Variants in SHBG observed in about 807,000 individuals in gnomAD.
SHBG encodes sex hormone binding globulin, also known as sex hormone-binding globulin.
SHBG carries 37 observed loss-of-function variants against 41.9 expected under a neutral mutation model. The observed-to-expected ratio is 0.88, with a 90% CI of 0.68 to 1.16. The LOEUF is 1.16. Among genes scored for constraint, SHBG ranks in the 50% most tolerant of loss-of-function variants. The pLI, the probability that SHBG is intolerant of heterozygous loss-of-function variation, is 0.00. For missense variants in SHBG, 466 were observed against 499.9 expected (o/e 0.93, Z 0.65); for synonymous variants, 217 against 205.8 (o/e 1.05, Z -0.47).
rs1486249086 is a variant in SHBG, at chr17:7,633,332, G to A, written c.1189G>A (p.Gly397Ser). The change falls in exon 8 of 8, where the codon GGC (glycine) becomes AGC (serine). Residue 397 changes from glycine to serine, a missense_variant. Transcript: ENST00000380450. ...THSCPQSPGN[G>S]TDASH ...CAGCTGCCCCCAGAGCCCAGGCAAT[G>A]GCACTGACGCTTCCCATTAAAGCTC... The A allele has an allele frequency of 6.2e-7, 1 of 1,614,130 alleles. No individual in the cohort carries two copies. The highest frequency in any genetic ancestry group is 1.7e-5 in the Admixed American group (1 of 60,012).
At chr17:7,625,257 G>A (rs1597903852), upstream of SHBG, among the ~76,000 whole-genome samples, 1 of 151,618 alleles carries the variant, frequency 6.6e-6, no homozygotes, top group East Asian at 1.9e-4. Flanking sequence ...CCAGGCATGA[G>A]CTTTTGTAGG....
At chr17:7,620,329 T>C (rs1191189136) in intron 1 of SHBG, among the ~76,000 whole-genome samples, 1 of 152,008 alleles carries the variant, frequency 6.6e-6, no homozygotes, top group Non-Finnish European at 1.5e-5. Context: ...TGTTTGTTTG[T>C]TTTTTGAGAC....
chr17:7,632,898 G>C lies in SHBG; in HGVS notation c.999G>C (p.Leu333=). 6.2e-7 allele frequency: 1 copy of C among 1,614,150 alleles called. No individual in the cohort carries two copies. The highest frequency in any genetic ancestry group is 8.5e-7 in the Non-Finnish European group (1 of 1,180,024). ...MKALALPPLG[L]APLLNLWAKP... ...CCCTTGCCCTGCCTCCCTTAGGCCT[G>C]GCTCCCCTCCTTAACCTCTGGGCCA... The change falls in exon 7 of 8, where the codon CTG becomes CTC. Residue 333 remains leucine (L), a synonymous_variant. Coordinates refer to ENST00000380450, the MANE Select transcript of SHBG (RefSeq NM_001040.5).
Position 7,618,665 on chromosome 17 carries a change from C to A in SHBG, c.-62+4554C>A, listed in dbSNP as rs374225664. ...CATTTTCAGGCTTTTAAGTTCCCAA[C>A]AAATTTACCTCCCGGTACTCTTTCT... On this transcript the variant is annotated intron_variant, in intron 1 of 5. Coordinates refer to the SHBG transcript ENST00000570547. Among the ~76,000 whole-genome samples the A allele has an allele frequency of 1.1e-3, 162 of 152,070 alleles. 1 individual carries two copies. The highest frequency in any genetic ancestry group is 3.7e-3 in the African/African-American group (152 of 41,478).
At chr17:7,621,601 TAAAAAAAAAAAAAA>T (rs747951932) in intron 1 of SHBG, among the ~76,000 whole-genome samples, 4 of 46,946 alleles carry the variant, frequency 8.5e-5, no homozygotes, top group Non-Finnish European at 1.5e-4. Flanking sequence ...AGTCTCCGTC[TAAAAAAAAAAAAAA>T]AAAAAAAAAC....
intron 1 of SHBG, chr17:7,614,412 G>A (rs907792958): frequency 4.9e-6 from 7 of 1,421,038 alleles, no homozygotes; most frequent in African/African-American, 4.3e-5. Context: ...CCAGGGGAGG[G>A]GGCTAAGGAC....
At position 7,622,060 on chromosome 17, in the gene SHBG, G is replaced by C. The variant is rs756497088; in HGVS notation, c.-62+7949G>C. On this transcript the variant is annotated intron_variant, in intron 1 of 5. Transcript: ENST00000570547. The stretch of plus-strand genomic sequence containing the variant: ...GGGTTTCACCATGTTGGTCAGGCTG[G>C]TCTCAAACTCCTGACCTCAAATGAT... 7.1e-4 allele frequency among the ~76,000 whole-genome samples: 108 copies of C among 151,410 alleles called. 1 individual carries two copies. Among genetic ancestry groups the C allele is most frequent in the Admixed American group, 6.2e-3 (94 of 15,188 alleles).
At chr17:7,627,388 C>T (rs759398278), upstream of SHBG, 22 of 1,614,092 alleles carry the variant, frequency 1.4e-5, no homozygotes, top group East Asian at 2.0e-4. This position sits in a 1 kb window ranked among gnomAD's most constrained non-coding sequence, Gnocchi z 4.8. Flanking sequence ...TCACCTGATC[C>T]GAGAGTTTTT....
Position 7,631,898 on chromosome 17 carries a change from A to G in SHBG, c.735A>G (p.Ala245=). 1 of 1,614,096 alleles carries G rather than the reference A, an allele frequency of 6.2e-7. No individual in the cohort carries two copies. Among genetic ancestry groups the G allele is most frequent in the South Asian group, 1.1e-5 (1 of 91,086 alleles). ...FNLRDIPQPH[A]EPWAFSLDLG... ...CCACAGACATTCCCCAGCCTCATGC[A>G]GAGCCCTGGGCCTTCTCTTTGGACC... Residue 245 remains alanine, a synonymous_variant, in exon 6 of 8, where the codon GCA becomes GCG. Transcript: ENST00000380450.
chr17:7,619,298 G>T (rs1224481365), intron 1 of SHBG, among the ~76,000 whole-genome samples: 1 of 151,608 alleles, frequency 6.6e-6, no homozygotes, highest in African/African-American at 2.4e-5. Context: ...GCTGAAGCAG[G>T]AGAATTGCTT....
intron 1 of SHBG, among the ~76,000 whole-genome samples, chr17:7,618,234 T>A (rs987037851): frequency 6.7e-6 from 1 of 149,350 alleles, no homozygotes; most frequent in Non-Finnish European, 1.5e-5. Context: ...AAAAAAAAAA[T>A]TATTTCCAAC....
At position 7,631,666 on chromosome 17, in the gene SHBG, C is replaced by A. The variant is rs771453829; in HGVS notation, c.633C>A (p.Pro211=). 2 of 1,614,000 alleles carry A rather than the reference C, an allele frequency of 1.2e-6. No homozygotes were observed. Among genetic ancestry groups the A allele is most frequent in the African/African-American group, 2.7e-5 (2 of 74,930 alleles). The change falls in exon 5 of 8, where the codon CCC becomes CCA. Residue 211 remains proline, a synonymous_variant. Transcript: ENST00000380450. ...DKQAEISASA[P]TSLRSCDVES... ...AGGCCGAGATCTCAGCATCTGCCCC[C>A]ACTAGCCTCAGAAGCTGTGATGTAG...
chr17:7,614,653 G>A, intron 1 of SHBG: 1 of 474,974 alleles, frequency 2.1e-6, no homozygotes, highest in Non-Finnish European at 3.3e-6. Flanking sequence ...CGGGGGGCGG[G>A]AGCCGGGCCG....
intron 6 of SHBG, among the ~76,000 whole-genome samples, chr17:7,632,319 C>T (rs1467231555): frequency 6.6e-6 from 1 of 151,868 alleles, no homozygotes; most frequent in African/African-American, 2.4e-5. Context: ...TAGCACATGT[C>T]TGCTGCCCTA....
chr17:7,631,105 G>A, intron 3 of SHBG, 95 bp from the exon 4 acceptor site: 1 of 1,285,382 alleles, frequency 7.8e-7, no homozygotes, highest in Non-Finnish European at 1.1e-6. Flanking sequence ...CTTCTTTAAG[G>A]CATGTTCTTT....
chr17:7,630,176 G>T lies in SHBG; in HGVS notation c.4G>T (p.Glu2Ter). M[E>*]SRGPLATSRL... ...GCCGAGTGGACAGTGGCTGATTATG[G>T]AGAGCAGAGGCCCACTGGCTACCTC... The change falls in exon 1 of 8, where the codon GAG becomes TAG. Residue 2 changes from glutamate (E) to a stop codon, truncating the protein, a stop_gained. Transcript: ENST00000380450. LOFTEE classifies it high-confidence loss of function. This position sits in a 1 kb window ranked among gnomAD's most constrained non-coding sequence, Gnocchi z 4.6. 1 of 1,613,486 alleles carries T rather than the reference G, an allele frequency of 6.2e-7. No homozygotes were observed. The highest frequency in any genetic ancestry group is 1.1e-5 in the South Asian group (1 of 91,074).
At chr17:7,628,101 G>T (rs1029385593), upstream of SHBG, 7 of 464,320 alleles carry the variant, frequency 1.5e-5, no homozygotes, top group Non-Finnish European at 3.0e-5. Flanking sequence ...ATTGACATAT[G>T]CAGTGATAAC....
chr17:7,618,996 A>G (rs2072041799), intron 1 of SHBG, among the ~76,000 whole-genome samples: 1 of 152,216 alleles, frequency 6.6e-6, no homozygotes, highest in Non-Finnish European at 1.5e-5. Context: ...CAGAGAGGAC[A>G]AGGCAGTTAT....
At chr17:7,618,362 C>G (rs2072029768) in intron 1 of SHBG, among the ~76,000 whole-genome samples, 1 of 151,806 alleles carries the variant, frequency 6.6e-6, no homozygotes, top group Admixed American at 6.6e-5. Context: ...ACCTCTGCCT[C>G]CCAGGTTCCA....
Sources: allele counts gnomAD v4.1 joint callset (sites outside exome capture counted in the v4.1 genomes callset), GRCh38; gene constraint gnomAD v4.1.1; non-coding constraint Gnocchi (gnomAD v3.1); transcripts MANE v1.5; gene names NCBI Gene and HGNC (gene_info 2026-07-23, HGNC 2026-07-21).